Variants in TNKS observed in about 807,000 individuals in gnomAD.
The protein encoded by TNKS is tankyrase.
TNKS carries 72 observed loss-of-function variants against 135.8 expected under a neutral mutation model. That is an observed-to-expected ratio of 0.53 (90% CI 0.44 to 0.64). The LOEUF is 0.64. Among genes scored for constraint, TNKS ranks in the 30% least tolerant of loss-of-function variants. The pLI, the probability that TNKS is intolerant of heterozygous loss-of-function variation, is 0.00. For synonymous variants in TNKS, 849 were observed against 649.3 expected (o/e 1.31, Z -4.68); for missense variants, 1,769 against 1,674.0 (o/e 1.06, Z -0.99).
At chr8:9,608,342 A>T (rs915366915) in intron 2 of TNKS, among the ~76,000 whole-genome samples, 3 of 152,024 alleles carry the variant, frequency 2.0e-5, no homozygotes, top group Non-Finnish European at 2.9e-5. Flanking sequence ...AATAGTTTTG[A>T]CTTTGTAGAT....
intron 3 of TNKS, among the ~76,000 whole-genome samples, chr8:9,623,588 A>C (rs570238361): frequency 6.6e-6 from 1 of 152,340 alleles, no homozygotes; most frequent in East Asian, 1.9e-4. Context: ...CTGTTAGAAA[A>C]ATGGTGCCAA....
At chr8:9,655,220 T>C (rs1200544430) in intron 3 of TNKS, among the ~76,000 whole-genome samples, 1 of 152,086 alleles carries the variant, frequency 6.6e-6, no homozygotes, top group Non-Finnish European at 1.5e-5. Context: ...TGCCCAGGCT[T>C]GAGTAGGTAA....
intron 5 of TNKS, among the ~76,000 whole-genome samples, chr8:9,687,078 C>G (rs544380026): frequency 6.6e-6 from 1 of 152,256 alleles, no homozygotes; most frequent in South Asian, 2.1e-4. Context: ...GCCCTTTTCC[C>G]CTTTAAGAAA....
chr8:9,610,099 T>G (rs1214842850), intron 2 of TNKS, among the ~76,000 whole-genome samples: 2 of 152,162 alleles, frequency 1.3e-5, no homozygotes, highest in East Asian at 3.9e-4. Flanking sequence ...CTTCGTGATA[T>G]GCTCACCTCA....
chr8:9,560,315 A>AGTTAACATATACGACTTTGG (rs1797273332), intron 1 of TNKS, among the ~76,000 whole-genome samples: 1 of 151,960 alleles, frequency 6.6e-6, no homozygotes, highest in Non-Finnish European at 1.5e-5. Flanking sequence ...GCTTCCTGTT[A>AGTTAACATATACGACTTTGG]GTTAACATAT....
At chr8:9,681,995 C>G (rs900139756) in intron 5 of TNKS, among the ~76,000 whole-genome samples, 1 of 152,120 alleles carries the variant, frequency 6.6e-6, no homozygotes, top group East Asian at 1.9e-4. Flanking sequence ...AAGCCATAAA[C>G]TAGCAAAGAT....
At chr8:9,656,115 A>T (rs527750407) in intron 3 of TNKS, among the ~76,000 whole-genome samples, 1 of 152,256 alleles carries the variant, frequency 6.6e-6, no homozygotes, top group Non-Finnish European at 1.5e-5. Context: ...TCAGTAGCCA[A>T]TGCGATCAAC....
chr8:9,610,103 C>T (rs1799395879), intron 2 of TNKS, among the ~76,000 whole-genome samples: 2 of 152,110 alleles, frequency 1.3e-5, no homozygotes, highest in Non-Finnish European at 2.9e-5. Context: ...GTGATATGCT[C>T]ACCTCAGCCT....
intron 25 of TNKS, among the ~76,000 whole-genome samples, chr8:9,767,353 A>T (rs1438843186): frequency 2.0e-5 from 3 of 152,204 alleles, no homozygotes; most frequent in Admixed American, 6.5e-5. Flanking sequence ...AATACAAAAG[A>T]ATTATACTGT....
intron 3 of TNKS, among the ~76,000 whole-genome samples, chr8:9,647,857 C>T (rs553407926): frequency 3.9e-5 from 6 of 152,148 alleles, no homozygotes; most frequent in Non-Finnish European, 8.8e-5. Context: ...AATATACTTA[C>T]ACAAACCTAG....
At chr8:9,673,713 G>A (rs1307113451) in intron 3 of TNKS, among the ~76,000 whole-genome samples, 1 of 152,078 alleles carries the variant, frequency 6.6e-6, no homozygotes, top group Non-Finnish European at 1.5e-5. Context: ...AAGGCGCTGG[G>A]ATTACAGGTG....
At chr8:9,596,770 C>T (rs1798804708) in intron 2 of TNKS, among the ~76,000 whole-genome samples, 1 of 152,160 alleles carries the variant, frequency 6.6e-6, no homozygotes, top group Admixed American at 6.5e-5. Context: ...AGATAGAGGG[C>T]ACATCTTTTG....
chr8:9,756,846 C>T (rs1026138506), intron 20 of TNKS, among the ~76,000 whole-genome samples: 2 of 152,156 alleles, frequency 1.3e-5, no homozygotes, highest in African/African-American at 2.4e-5. Flanking sequence ...TTCCCAGTTG[C>T]CTTCCCTTCC....
intron 1 of TNKS, among the ~76,000 whole-genome samples, chr8:9,575,919 G>A (rs1163078592): frequency 2.0e-5 from 3 of 152,192 alleles, no homozygotes; most frequent in Admixed American, 2.0e-4. Context: ...TTCTGTGAAC[G>A]TAGTAAGGGT....
intron 2 of TNKS, among the ~76,000 whole-genome samples, chr8:9,602,213 A>G (rs968879866): frequency 2.0e-5 from 3 of 152,224 alleles, no homozygotes; most frequent in African/African-American, 7.2e-5. Flanking sequence ...TAGGCTGTTA[A>G]AGATGCAACA....
At chr8:9,662,188 G>A (rs537003708) in intron 3 of TNKS, among the ~76,000 whole-genome samples, 16 of 152,296 alleles carry the variant, frequency 1.1e-4, no homozygotes, top group East Asian at 1.9e-4. Context: ...TCAGTGTGGC[G>A]ATTCCTCAGG....
chr8:9,691,701 G>A lies in TNKS; in HGVS notation c.1107+10901G>A, dbSNP rs549255934. On this transcript the variant is annotated intron_variant, in intron 5 of 26. Coordinates refer to ENST00000310430, the MANE Select transcript of TNKS (RefSeq NM_003747.3). ...GTATAAACAAGTTAATACATATAAT[G>A]CACTTAGAAAAGTGCTTAGTACATA... 8.2e-4 allele frequency among the ~76,000 whole-genome samples: 125 copies of A among 152,188 alleles called. 1 individual carries two copies. Among genetic ancestry groups the A allele is most frequent in the South Asian group, 1.7e-3 (8 of 4,808 alleles).
chr8:9,618,555 G>T (rs1275386209), intron 3 of TNKS, among the ~76,000 whole-genome samples: 1 of 152,148 alleles, frequency 6.6e-6, no homozygotes, highest in East Asian at 1.9e-4. Flanking sequence ...GGACTTGGAG[G>T]TATTTAGATT....
intron 3 of TNKS, among the ~76,000 whole-genome samples, chr8:9,677,971 G>T (rs1009380608): frequency 4.6e-5 from 7 of 152,050 alleles, no homozygotes; most frequent in Non-Finnish European, 2.9e-5. Flanking sequence ...CTTCCAGGAA[G>T]GCTTCCTTGA....
Sources: allele counts gnomAD v4.1 joint callset (sites outside exome capture counted in the v4.1 genomes callset), GRCh38; gene constraint gnomAD v4.1.1; transcripts MANE v1.5; gene names NCBI Gene and HGNC (gene_info 2026-07-23, HGNC 2026-07-21).